BBS9: variants seen among roughly 807,000 people sequenced by gnomAD.
BBS9 encodes Bardet-Biedl syndrome 9.
BBS9 carries 89 observed loss-of-function variants against 117.7 expected under a neutral mutation model. That is an observed-to-expected ratio of 0.76 (90% CI 0.64 to 0.90). The LOEUF (loss-of-function observed/expected upper bound fraction) is 0.90. Among genes scored for constraint, BBS9 ranks in the 40% least tolerant of loss-of-function variants. The pLI, the probability that BBS9 is intolerant of heterozygous loss-of-function variation, is 0.00. For missense variants in BBS9, 982 were observed against 1,042.2 expected (o/e 0.94, Z 0.80); for synonymous variants, 379 against 370.9 (o/e 1.02, Z -0.25).
chr7:33,470,908 G>A (rs896490864), intron 19 of BBS9, among the ~76,000 whole-genome samples: 3 of 151,994 alleles, frequency 2.0e-5, no homozygotes, highest in East Asian at 1.9e-4. Flanking sequence ...TCAAAAGATG[G>A]GAGGGATAGA....
intron 16 of BBS9, among the ~76,000 whole-genome samples, chr7:33,360,675 C>T (rs921086047): frequency 5.9e-5 from 9 of 151,830 alleles, no homozygotes; most frequent in African/African-American, 2.2e-4. Context: ...CATATACCAC[C>T]ATGCCTAGCT....
chr7:33,515,119 GA>G (rs376586661), intron 20 of BBS9, among the ~76,000 whole-genome samples: 67 of 150,232 alleles, frequency 4.5e-4, no homozygotes, highest in African/African-American at 1.2e-3. Flanking sequence ...GACGAATCAG[GA>G]AAAAAAAACC....
intron 21 of BBS9, among the ~76,000 whole-genome samples, chr7:33,577,596 C>T (rs555072165): frequency 1.4e-4 from 21 of 152,228 alleles, no homozygotes; most frequent in East Asian, 5.8e-4. Flanking sequence ...TAAAGACACA[C>T]GCACACGTAT....
intron 19 of BBS9, among the ~76,000 whole-genome samples, chr7:33,487,290 A>G (rs967191814): frequency 2.6e-5 from 4 of 152,048 alleles, no homozygotes; most frequent in African/African-American, 9.7e-5. Flanking sequence ...TGGTTTTTAT[A>G]CTCTTTCCAT....
At chr7:33,131,138 G>A (rs1789534161) in intron 1 of BBS9, among the ~76,000 whole-genome samples, 1 of 152,160 alleles carries the variant, frequency 6.6e-6, no homozygotes, top group South Asian at 2.1e-4. Context: ...GGTCCAGAGG[G>A]TGAGTTTGGC....
At chr7:33,609,554 G>C (rs1864757060), downstream of BBS9, among the ~76,000 whole-genome samples, 1 of 152,092 alleles carries the variant, frequency 6.6e-6, no homozygotes, top group Admixed American at 6.6e-5. Context: ...TGTATACTCT[G>C]AATTATTAAA....
At chr7:33,508,610 G>A (rs1186478197) in intron 20 of BBS9, among the ~76,000 whole-genome samples, 3 of 152,182 alleles carry the variant, frequency 2.0e-5, no homozygotes, top group Non-Finnish European at 4.4e-5. Context: ...TTTTATACAC[G>A]TGCTTCATTG....
chr7:33,529,371 G>C (rs1329057852), intron 20 of BBS9, among the ~76,000 whole-genome samples: 1 of 152,184 alleles, frequency 6.6e-6, no homozygotes, highest in Non-Finnish European at 1.5e-5. Context: ...TATCTATCAA[G>C]GAGTGACACT....
chr7:33,200,873 T>C (rs1785732180), intron 5 of BBS9, among the ~76,000 whole-genome samples: 1 of 152,200 alleles, frequency 6.6e-6, no homozygotes, highest in South Asian at 2.1e-4. Flanking sequence ...GAAAGTGGGT[T>C]GGATTTTTGA....
intron 21 of BBS9, among the ~76,000 whole-genome samples, chr7:33,568,201 C>T (rs1857214500): frequency 6.6e-6 from 1 of 152,142 alleles, no homozygotes; most frequent in South Asian, 2.1e-4. Flanking sequence ...CATACCAGTG[C>T]ATGACATGGA....
At chr7:33,456,127 T>A (rs570229836) in intron 19 of BBS9, among the ~76,000 whole-genome samples, 1 of 152,310 alleles carries the variant, frequency 6.6e-6, no homozygotes, top group Non-Finnish European at 1.5e-5. Flanking sequence ...TGTTTAATCA[T>A]AGAAATAACA....
At position 33,282,799 on chromosome 7, in the gene BBS9, C is replaced by T. The variant is rs543166663; in HGVS notation, c.1016+8843C>T. ...TTATATTTTAGTTTCTAAAAGACTT[C>T]TCTAAACAAGAATAGAAAAAAATGC... On this transcript the variant is annotated intron_variant, in intron 9 of 22. Transcript: ENST00000242067. Among the ~76,000 whole-genome samples the T allele has an allele frequency of 2.0e-4, 30 of 152,246 alleles. No homozygotes were observed. The South Asian group carries it at 6.0e-3, about 31-fold the overall frequency.
intron 5 of BBS9, among the ~76,000 whole-genome samples, chr7:33,180,464 A>G (rs998881512): frequency 5.9e-5 from 9 of 151,362 alleles, no homozygotes; most frequent in Non-Finnish European, 8.8e-5. Context: ...TGGTTCAACA[A>G]TTCTACCTCA....
chr7:33,312,017 C>T (rs10273634), intron 9 of BBS9, among the ~76,000 whole-genome samples: 27,494 of 152,128 alleles, frequency 0.18, 3,054 homozygotes, highest in East Asian at 0.43. Context: ...TTTTGTAATA[C>T]AAGGTTTCTT....
At chr7:33,203,448 A>G (rs146144960) in intron 5 of BBS9, among the ~76,000 whole-genome samples, 74 of 152,278 alleles carry the variant, frequency 4.9e-4, no homozygotes, top group African/African-American at 1.8e-3. Context: ...GCTCTCTAGA[A>G]CAGTGGTTCT....
intron 20 of BBS9, among the ~76,000 whole-genome samples, chr7:33,526,157 C>A (rs1225494827): frequency 5.3e-5 from 8 of 151,524 alleles, no homozygotes; most frequent in Non-Finnish European, 1.2e-4. Context: ...GGTAACCCGA[C>A]CTTTCTCTCT....
intron 21 of BBS9, among the ~76,000 whole-genome samples, chr7:33,616,491 GTGTATATA>G (rs1865142427): frequency 7.2e-6 from 1 of 138,746 alleles, no homozygotes; most frequent in East Asian, 2.1e-4. Flanking sequence ...GTGTGTGTGT[GTGTATATA>G]TATATATATA....
intron 20 of BBS9, among the ~76,000 whole-genome samples, chr7:33,520,347 A>G (rs948359157): frequency 6.6e-6 from 1 of 152,104 alleles, no homozygotes. Context: ...TGTTGCTGCT[A>G]TTTCTGCTGC....
intron 19 of BBS9, among the ~76,000 whole-genome samples, chr7:33,489,078 C>T (rs1238503624): frequency 3.3e-5 from 5 of 150,586 alleles, no homozygotes; most frequent in African/African-American, 4.9e-5. Flanking sequence ...CTGCAACCTC[C>T]GCCTCCTGGA....
Sources: gnomAD v4.1 joint callset for allele counts (sites outside exome capture counted in the v4.1 genomes callset) on GRCh38, gnomAD v4.1.1 for gene constraint, MANE v1.5 for transcripts, NCBI Gene and HGNC (gene_info 2026-07-23, HGNC 2026-07-21) for gene names.